Variants in CAMTA1 observed in about 807,000 individuals in gnomAD.
CAMTA1 encodes the protein calmodulin binding transcription activator 1.
In CAMTA1, 27 loss-of-function variants were observed where a neutral mutation model predicts 170.9. The ratio of observed to expected loss-of-function variants is 0.16; its 90% CI spans 0.12 to 0.22. The LOEUF (loss-of-function observed/expected upper bound fraction) is 0.22. CAMTA1 is among the 10% of genes least tolerant of loss of function. The pLI, the probability that CAMTA1 is intolerant of heterozygous loss-of-function variation, is 1.00. For synonymous variants in CAMTA1, 833 were observed against 891.5 expected (o/e 0.93, Z 1.17); for missense variants, 1,619 against 2,217.2 (o/e 0.73, Z 5.42).
intron 6 of CAMTA1, among the ~76,000 whole-genome samples, chr1:7,530,418 G>A (rs1170597863): frequency 5.3e-5 from 8 of 152,136 alleles, no homozygotes; most frequent in African/African-American, 1.7e-4. Flanking sequence ...CACTCTGGTC[G>A]GTCCCTAGCA....
chr1:7,514,806 T>C (rs1046423508), intron 6 of CAMTA1, among the ~76,000 whole-genome samples: 3 of 152,148 alleles, frequency 2.0e-5, no homozygotes, highest in African/African-American at 7.2e-5. Context: ...TGCCTGAGAA[T>C]GTTCCATTCG....
intron 6 of CAMTA1, among the ~76,000 whole-genome samples, chr1:7,524,795 T>A (rs993954433): frequency 6.6e-6 from 1 of 152,000 alleles, no homozygotes; most frequent in African/African-American, 2.4e-5. Flanking sequence ...GAGGGCCCGG[T>A]GGGTAAGGGG....
intron 1 of CAMTA1, 49 bp downstream of exon 1, chr1:6,785,624 G>C (rs1474870298): frequency 1.0e-6 from 1 of 980,812 alleles, no homozygotes; most frequent in Non-Finnish European, 1.2e-6. Flanking sequence ...CGGGCGGCGG[G>C]ACCCGGCCCC....
At chr1:7,631,935 C>T (rs1000717999) in intron 6 of CAMTA1, among the ~76,000 whole-genome samples, 1 of 152,200 alleles carries the variant, frequency 6.6e-6, no homozygotes, top group African/African-American at 2.4e-5. Flanking sequence ...CTACCTGGGG[C>T]AGCCAGAAGG....
chr1:7,648,710 C>T (rs1400628599), intron 7 of CAMTA1, among the ~76,000 whole-genome samples: 1 of 152,176 alleles, frequency 6.6e-6, no homozygotes, highest in African/African-American at 2.4e-5. Flanking sequence ...CCACCAAGGT[C>T]CCAGAAAGCC....
chr1:7,630,674 T>C (rs1236389100), intron 6 of CAMTA1, among the ~76,000 whole-genome samples: 1 of 152,216 alleles, frequency 6.6e-6, no homozygotes, highest in African/African-American at 2.4e-5. Context: ...GCTTGCGTAA[T>C]GAGGGCAGCC....
chr1:7,528,035 A>G (rs759774188), intron 6 of CAMTA1, among the ~76,000 whole-genome samples: 3 of 152,178 alleles, frequency 2.0e-5, no homozygotes, highest in Admixed American at 6.5e-5. Context: ...GCCCGTGACC[A>G]CTGCTGCACC....
rs531898754 is a variant in CAMTA1 at position 7,471,927 on chromosome 1, C to G, written c.510+4026C>G. ...CAGGGGACCAGGCCCCCATTCCAGGCCAGACTTCCCTGCAGATTCTGTATG... is the reference window on the plus strand; with the variant it reads ...CAGGGGACCAGGCCCCCATTCCAGGGCAGACTTCCCTGCAGATTCTGTATG... On this transcript the variant is annotated intron_variant, in intron 6 of 22. Transcript: ENST00000303635. 2.0e-4 allele frequency among the ~76,000 whole-genome samples: 31 copies of G among 152,360 alleles called. 1 individual carries two copies. The highest frequency in any genetic ancestry group is 7.5e-4 in the African/African-American group (31 of 41,590).
At chr1:7,512,845 T>G (rs1405834113) in intron 6 of CAMTA1, among the ~76,000 whole-genome samples, 1 of 151,992 alleles carries the variant, frequency 6.6e-6, no homozygotes, top group Admixed American at 6.5e-5. Flanking sequence ...AGGAGAAGAC[T>G]AGGTAGGACA....
At chr1:7,165,678 C>T (rs936017718) in intron 4 of CAMTA1, among the ~76,000 whole-genome samples, 4 of 152,188 alleles carry the variant, frequency 2.6e-5, no homozygotes, top group East Asian at 1.9e-4. Context: ...GTGATCCACC[C>T]GTCTCGTCCT....
At chr1:7,511,863 C>T (rs2094205966) in intron 6 of CAMTA1, among the ~76,000 whole-genome samples, 1 of 152,194 alleles carries the variant, frequency 6.6e-6, no homozygotes, top group Non-Finnish European at 1.5e-5. Flanking sequence ...ACACCTAATA[C>T]ACCATCCCCT....
At chr1:7,111,106 G>C (rs1466893241) in intron 4 of CAMTA1, among the ~76,000 whole-genome samples, 3 of 152,206 alleles carry the variant, frequency 2.0e-5, no homozygotes, top group Non-Finnish European at 4.4e-5. Context: ...CAGCCACGGA[G>C]CATCTCTCTG....
At chr1:6,812,124 C>G (rs1424312474) in intron 1 of CAMTA1, among the ~76,000 whole-genome samples, 1 of 152,226 alleles carries the variant, frequency 6.6e-6, no homozygotes, top group Admixed American at 6.5e-5. Flanking sequence ...AGCTTTCTCT[C>G]AGAGCATCGT....
chr1:7,475,597 G>A (rs967254663), intron 6 of CAMTA1, among the ~76,000 whole-genome samples: 2 of 152,158 alleles, frequency 1.3e-5, no homozygotes, highest in African/African-American at 4.8e-5. Context: ...GTGGGGACGT[G>A]GCTGATGCCG....
intron 3 of CAMTA1, among the ~76,000 whole-genome samples, chr1:6,930,918 C>G (rs1023488269): frequency 6.6e-6 from 1 of 152,230 alleles, no homozygotes; most frequent in African/African-American, 2.4e-5. Flanking sequence ...AGGGAGTGGC[C>G]CTTGCTGGCC....
chr1:6,924,266 G>A (rs1245231647), intron 3 of CAMTA1, among the ~76,000 whole-genome samples: 1 of 152,208 alleles, frequency 6.6e-6, no homozygotes, highest in East Asian at 1.9e-4. Flanking sequence ...ATGGTGCAAA[G>A]GCCGAGTGGA....
Position 7,443,651 on chromosome 1 carries a change from G to A in CAMTA1, c.439-24179G>A, listed in dbSNP as rs937733060. ...TGATTGCAGTGCCCTATAGTGCACCGTTGGGGTAGAGGGAGGCCCAGAGCC... is the reference window on the plus strand; with the variant it reads ...TGATTGCAGTGCCCTATAGTGCACCATTGGGGTAGAGGGAGGCCCAGAGCC... On this transcript the variant is annotated intron_variant, in intron 5 of 22. Transcript: ENST00000303635. The surrounding 1 kb of genome is among the most constrained non-coding windows in gnomAD (Gnocchi z 4.1). Among the ~76,000 whole-genome samples, 4 of 152,268 alleles carry A rather than the reference G, an allele frequency of 2.6e-5. No individual in the cohort carries two copies. Among genetic ancestry groups the A allele is most frequent in the East Asian group, 3.9e-4 (2 of 5,164 alleles).
intron 3 of CAMTA1, among the ~76,000 whole-genome samples, chr1:6,919,064 ACT>A (rs774292424): frequency 6.6e-6 from 1 of 151,404 alleles, no homozygotes; most frequent in East Asian, 1.9e-4. Context: ...ACCTGAAAAC[ACT>A]CTGTTTTTGG....
chr1:7,299,075 G>C lies in CAMTA1; in HGVS notation c.438+49449G>C, dbSNP rs922506556. Among the ~76,000 whole-genome samples the C allele has an allele frequency of 6.6e-6, 1 of 152,194 alleles. No individual in the cohort carries two copies. Among genetic ancestry groups the C allele is most frequent in the Non-Finnish European group, 1.5e-5 (1 of 68,034 alleles). On this transcript the variant is annotated intron_variant, in intron 5 of 22. Transcript: ENST00000303635. The surrounding 1 kb of genome is among the most constrained non-coding windows in gnomAD (Gnocchi z 4.7). Reference sequence around the variant, plus strand: ...CCACTGACTTGCTGTGTGACCTTAAGCAAGTACCTTCCCCTCTCTAGGTCT... The same window carrying C: ...CCACTGACTTGCTGTGTGACCTTAACCAAGTACCTTCCCCTCTCTAGGTCT...
Sources: gnomAD v4.1 joint callset for allele counts (sites outside exome capture counted in the v4.1 genomes callset) on GRCh38, gnomAD v4.1.1 for gene constraint, Gnocchi (gnomAD v3.1) non-coding constraint, MANE v1.5 for transcripts, NCBI Gene and HGNC (gene_info 2026-07-23, HGNC 2026-07-21) for gene names.